Variants in AHI1 observed in about 807,000 individuals in gnomAD.
AHI1 encodes the protein jouberin.
A neutral mutation model predicts 149.3 loss-of-function variants in AHI1; 123 were observed. That is an observed-to-expected ratio of 0.82 (90% CI 0.71 to 0.96). The LOEUF (loss-of-function observed/expected upper bound fraction) is 0.96. AHI1 is among the 40% of genes least tolerant of loss of function. The probability of loss-of-function intolerance (pLI) is 0.00; values close to 1 mark genes in which losing one functional copy is unlikely to be tolerated. For missense variants in AHI1, 1,439 were observed against 1,422.7 expected, an observed-to-expected ratio of 1.01 and a Z score of -0.18; for synonymous variants, 475 against 459.8, an observed-to-expected ratio of 1.03 and a Z score of -0.42.
At chr6:135,453,308 T>C in intron 11 of AHI1, 33 bp downstream of exon 11, 2 of 1,501,072 alleles carry the variant, frequency 1.3e-6, no homozygotes, top group Non-Finnish European at 1.8e-6. Flanking sequence ...TGAAGACTAG[T>C]TTTAAAGTGT....
chr6:135,453,150 AC>A (rs1788394377), intron 11 of AHI1, among the ~76,000 whole-genome samples, 190 bp downstream of exon 11: 1 of 152,194 alleles, frequency 6.6e-6, no homozygotes, highest in Non-Finnish European at 1.5e-5. Context: ...TGTAACTGGC[AC>A]ATACTGGGCC....
At chr6:135,361,415 G>A (rs1254352636) in intron 23 of AHI1, among the ~76,000 whole-genome samples, 2 of 152,016 alleles carry the variant, frequency 1.3e-5, no homozygotes, top group Non-Finnish European at 2.9e-5. Flanking sequence ...TGGTGACTAT[G>A]TTTTTTCCTG....
chr6:135,292,446 G>A (rs945117950), intron 27 of AHI1, among the ~76,000 whole-genome samples: 1 of 152,138 alleles, frequency 6.6e-6, no homozygotes, highest in Admixed American at 6.5e-5. Flanking sequence ...CCCAGATAGA[G>A]TAGGAGGAAC....
intron 22 of AHI1, among the ~76,000 whole-genome samples, chr6:135,397,141 A>C (rs1237568619): frequency 6.6e-6 from 1 of 151,952 alleles, no homozygotes; most frequent in Non-Finnish European, 1.5e-5. Flanking sequence ...CAGAGCAGAT[A>C]ATTTCTAAAG....
chr6:135,395,415 T>C (rs1245609248), intron 22 of AHI1, among the ~76,000 whole-genome samples: 1 of 151,650 alleles, frequency 6.6e-6, no homozygotes, highest in Non-Finnish European at 1.5e-5. Flanking sequence ...CAAAACACCT[T>C]ACTCAGGATA....
chr6:135,378,951 C>G (rs1776315518), intron 23 of AHI1, among the ~76,000 whole-genome samples: 1 of 152,042 alleles, frequency 6.6e-6, no homozygotes, highest in Admixed American at 6.5e-5. Flanking sequence ...ACTAAATAGC[C>G]TCTTCCAGCT....
intron 22 of AHI1, 74 bp downstream of exon 22, chr6:135,404,877 G>T: frequency 7.4e-7 from 1 of 1,354,606 alleles, no homozygotes; most frequent in South Asian, 1.2e-5. Context: ...CAAACTCTAT[G>T]AATGGTGCAT....
At chr6:135,401,742 A>T (rs1438637352) in intron 22 of AHI1, among the ~76,000 whole-genome samples, 2 of 152,242 alleles carry the variant, frequency 1.3e-5, no homozygotes, top group Admixed American at 6.5e-5. Context: ...AATCTTAAGA[A>T]GAAAACATAG....
chr6:135,387,845 T>C (rs1005432155), intron 23 of AHI1: 21 of 1,477,476 alleles, frequency 1.4e-5, no homozygotes, highest in Middle Eastern at 1.8e-4. Context: ...ATGTATTGTG[T>C]TGATTCTGAC....
intron 5 of AHI1, among the ~76,000 whole-genome samples, chr6:135,481,402 C>T (rs915200763): frequency 1.3e-5 from 2 of 152,062 alleles, no homozygotes; most frequent in Admixed American, 1.3e-4. Flanking sequence ...TTTTGTATAT[C>T]TGCATTATAT....
At chr6:135,377,265 T>G (rs2128463540) in intron 23 of AHI1, among the ~76,000 whole-genome samples, 1 of 152,218 alleles carries the variant, frequency 6.6e-6, no homozygotes, top group Middle Eastern at 3.4e-3. Flanking sequence ...TTTCCAATTT[T>G]TTATGGTTAA....
intron 24 of AHI1, among the ~76,000 whole-genome samples, chr6:135,323,901 C>A (rs547041538): frequency 6.6e-6 from 1 of 152,078 alleles, no homozygotes; most frequent in Non-Finnish European, 1.5e-5. Context: ...TTACTTGATA[C>A]GAATTTAAGA....
chr6:135,315,607 G>A (rs779754623), intron 26 of AHI1, among the ~76,000 whole-genome samples: 2 of 152,074 alleles, frequency 1.3e-5, no homozygotes, highest in Non-Finnish European at 2.9e-5. Flanking sequence ...TGCCCTAGAT[G>A]CTGAGAAGAG....
At chr6:135,370,440 T>C (rs73559967) in intron 23 of AHI1, among the ~76,000 whole-genome samples, 3,135 of 152,298 alleles carry the variant, frequency 0.021, 49 homozygotes, top group African/African-American at 0.034. Flanking sequence ...TGAGTGACAT[T>C]TGGGATCTTT....
At chr6:135,456,018 TAATG>T (rs1788886867) in intron 9 of AHI1, 92 bp from the exon 10 acceptor site, 1 of 788,518 alleles carries the variant, frequency 1.3e-6, no homozygotes, top group African/African-American at 1.8e-5. Context: ...CAACCAGAAA[TAATG>T]AATAGTCATA....
chr6:135,329,665 T>C (rs1163243611), intron 24 of AHI1, among the ~76,000 whole-genome samples: 1 of 152,236 alleles, frequency 6.6e-6, no homozygotes, highest in Non-Finnish European at 1.5e-5. Flanking sequence ...AGGAGTAGTT[T>C]TGACTTTCAG....
intron 27 of AHI1, among the ~76,000 whole-genome samples, chr6:135,298,327 CA>C (rs59847805): frequency 0.14 from 14,638 of 105,792 alleles, 1,147 homozygotes; most frequent in African/African-American, 0.25. Flanking sequence ...TGACATTTCT[CA>C]AAAAAAAAAA....
intron 10 of AHI1, among the ~76,000 whole-genome samples, chr6:135,454,980 C>G (rs1788692661): frequency 6.6e-6 from 1 of 152,324 alleles, no homozygotes; most frequent in South Asian, 2.1e-4. Flanking sequence ...AAGTCCCCTG[C>G]TGTTCCCATG....
At chr6:135,398,028 A>C (rs1020891698) in intron 22 of AHI1, among the ~76,000 whole-genome samples, 4 of 149,458 alleles carry the variant, frequency 2.7e-5, no homozygotes, top group African/African-American at 9.8e-5. Flanking sequence ...TGGTGGCATT[A>C]GAAAAAAAGA....
Sources: gnomAD v4.1 joint callset for allele counts (sites outside exome capture counted in the v4.1 genomes callset) on GRCh38, gnomAD v4.1.1 for gene constraint, MANE v1.5 for transcripts, NCBI Gene and HGNC (gene_info 2026-07-23, HGNC 2026-07-21) for gene names.